The following CEP192 variants were observed in gnomAD, a reference collection of about 807,000 sequenced individuals.
The protein encoded by CEP192 is centrosomal protein of 192 kDa.
In CEP192, 151 loss-of-function variants were observed where a neutral mutation model predicts 271.8. The observed-to-expected ratio is 0.56, with a 90% CI of 0.49 to 0.64. The LOEUF is 0.64. Among genes scored for constraint, CEP192 ranks in the 30% least tolerant of loss-of-function variants. The probability of loss-of-function intolerance (pLI) is 0.00; values close to 1 mark genes in which losing one functional copy is unlikely to be tolerated. For missense variants in CEP192, 2,910 were observed against 3,020.5 expected (o/e 0.96, Z 0.86); for synonymous variants, 995 against 1,076.5 (o/e 0.92, Z 1.48).
chr18:13,120,874 TTAAC>T (rs1489802553), intron 44 of CEP192, among the ~76,000 whole-genome samples: 6 of 152,256 alleles, frequency 3.9e-5, no homozygotes, highest in Admixed American at 6.5e-5. Flanking sequence ...TGTGATCTGT[TTAAC>T]TAAATGAACT....
At chr18:13,037,181 G>T in intron 11 of CEP192, 56 bp from the exon 12 acceptor site, 1 of 733,030 alleles carries the variant, frequency 1.4e-6, no homozygotes, top group South Asian at 1.6e-5. Flanking sequence ...GTATCTGTGT[G>T]CTAGTGTTTG....
In CEP192 at chr18:13,041,645, A is replaced by C. The variant is rs2036213012; in HGVS notation, c.1937-559A>C. 2.7e-5 allele frequency among the ~76,000 whole-genome samples: 4 copies of C among 150,328 alleles called. No individual in the cohort carries two copies. In the South Asian group the frequency reaches 8.4e-4, roughly 32 times the overall value. On this transcript the variant is annotated intron_variant, in intron 14 of 44. Transcript: ENST00000506447. ...CAGTGGCGTGATCTCGGCTCACTGCAATCTCCACCTCCTGGGTCAAGCGAT... is the reference window on the plus strand; with the variant it reads ...CAGTGGCGTGATCTCGGCTCACTGCCATCTCCACCTCCTGGGTCAAGCGAT...
chr18:13,042,179 G>A, intron 14 of CEP192, 25 bp from the exon 15 acceptor site: 1 of 1,599,456 alleles, frequency 6.3e-7, no homozygotes, highest in Non-Finnish European at 8.6e-7. Context: ...ATACTTATAA[G>A]TTGAATATTA....
chr18:13,061,871 G>A (rs945279050), intron 21 of CEP192, among the ~76,000 whole-genome samples: 5 of 152,146 alleles, frequency 3.3e-5, no homozygotes, highest in Non-Finnish European at 7.4e-5. Flanking sequence ...CTCCAAACAT[G>A]GTCAAGCCAT....
chr18:13,072,646 T>G, intron 28 of CEP192, 109 bp from the exon 29 acceptor site: 1 of 728,566 alleles, frequency 1.4e-6, no homozygotes, highest in Non-Finnish European at 2.4e-6. Context: ...ATGGCTTGTA[T>G]AGTTAGTCCA....
At chr18:13,102,459 C>G (rs2144910353) in intron 38 of CEP192, among the ~76,000 whole-genome samples, 1 of 152,246 alleles carries the variant, frequency 6.6e-6, no homozygotes, top group East Asian at 1.9e-4. Context: ...CCCCCACACC[C>G]TTTCCTTGTG....
At chr18:13,036,972 T>C (rs1568315941) in intron 11 of CEP192, among the ~76,000 whole-genome samples, 1 of 152,254 alleles carries the variant, frequency 6.6e-6, no homozygotes, top group African/African-American at 2.4e-5. Context: ...ACATTAATTT[T>C]AGAGAGAAAA....
chr18:13,048,963 G>A lies in CEP192; in HGVS notation c.2172G>A (p.Glu724=), dbSNP rs948850789. The change falls in exon 16 of 45, where the codon GAG becomes GAA. Residue 724 remains glutamate (E), a synonymous_variant. Coordinates refer to ENST00000506447, the MANE Select transcript of CEP192 (RefSeq NM_032142.4). The stretch of plus-strand genomic sequence containing the variant: ...GCACCATTGCTTCAGCCATTGCAGA[G>A]GCATCAGTTAATACTGATCCTTCCC... ...RISTIASAIA[E]ASVNTDPSQL... The A allele has an allele frequency of 8.1e-6, 13 of 1,613,246 alleles. No individual in the cohort carries two copies. Among genetic ancestry groups the A allele is most frequent in the African/African-American group, 5.3e-5 (4 of 74,884 alleles).
chr18:13,045,549 G>T (rs537327620), intron 15 of CEP192, among the ~76,000 whole-genome samples: 1 of 152,122 alleles, frequency 6.6e-6, no homozygotes, highest in African/African-American at 2.4e-5. Context: ...CTTCACTTAG[G>T]TGAGATTTAA....
At chr18:13,015,541 GT>G in intron 6 of CEP192, 93 bp downstream of exon 6, 5 of 1,324,020 alleles carry the variant, frequency 3.8e-6, no homozygotes, top group Non-Finnish European at 4.2e-6. Flanking sequence ...AACTTTTTGG[GT>G]TTTTTGTCCT....
chr18:13,109,115 A>G lies in CEP192; in HGVS notation c.7047+4036A>G, dbSNP rs1367112742. Among the ~76,000 whole-genome samples, 4 of 152,196 alleles carry G rather than the reference A, an allele frequency of 2.6e-5. No homozygotes were observed. The East Asian group carries it at 7.7e-4, about 29-fold the overall frequency. ...GCACTTGCACATTCATCACAGCACTATTCACAGTATCAGAGACATGGATCA... is the reference window on the plus strand; with the variant it reads ...GCACTTGCACATTCATCACAGCACTGTTCACAGTATCAGAGACATGGATCA... On this transcript the variant is annotated intron_variant, in intron 40 of 44. Transcript: ENST00000506447.
chr18:13,007,287 T>G (rs768208702), intron 3 of CEP192, among the ~76,000 whole-genome samples: 2 of 152,214 alleles, frequency 1.3e-5, no homozygotes, highest in African/African-American at 4.8e-5. Flanking sequence ...CTCTTTAACT[T>G]GAAACTTATG....
Position 13,029,826 on chromosome 18 carries a change from A to G in CEP192, c.1214A>G (p.His405Arg), listed in dbSNP as rs1401440445. Residue 405 changes from histidine to arginine, a missense_variant, in exon 10 of 45, where the codon CAC becomes CGC. By Grantham distance (29) the His-to-Arg change is conservative (BLOSUM62 0). Transcript: ENST00000506447. Reference protein sequence around the residue: ...ECPHQNKTVLHMDGCLDTETP... With the variant: ...ECPHQNKTVLRMDGCLDTETP... The stretch of plus-strand genomic sequence containing the variant: ...CCTCACCAAAATAAGACAGTTTTGC[A>G]CATGGATGGATGTTTAGACACTGAG... The G allele has an allele frequency of 6.4e-7, 1 of 1,551,722 alleles. No homozygotes were observed. Among genetic ancestry groups the G allele is most frequent in the Non-Finnish European group, 8.7e-7 (1 of 1,146,988 alleles).
At chr18:13,049,954 A>AG in intron 17 of CEP192, 63 bp downstream of exon 17, 1 of 1,395,292 alleles carries the variant, frequency 7.2e-7, no homozygotes, top group South Asian at 1.3e-5. Flanking sequence ...ACTGGGAAAA[A>AG]AATGTGTAAA....
chr18:13,020,214 A>G (rs1426286719), intron 9 of CEP192, among the ~76,000 whole-genome samples: 1 of 152,176 alleles, frequency 6.6e-6, no homozygotes, highest in Non-Finnish European at 1.5e-5. Context: ...AACTCTACCC[A>G]TTAAACAACA....
At chr18:13,117,691 TC>T (rs1376341099) in intron 44 of CEP192, 48 bp downstream of exon 44, 1 of 1,464,520 alleles carries the variant, frequency 6.8e-7, no homozygotes, top group South Asian at 1.2e-5. Flanking sequence ...TGCAGGACTT[TC>T]GTCTCTTGGG....
At chr18:13,109,157 C>T (rs569123539) in intron 40 of CEP192, among the ~76,000 whole-genome samples, 35 of 152,148 alleles carry the variant, frequency 2.3e-4, no homozygotes, top group Admixed American at 1.6e-3. Context: ...CGTTGATCAC[C>T]GGTGGATTGG....
At chr18:13,051,376 T>C (rs1568338488) in intron 17 of CEP192, among the ~76,000 whole-genome samples, 1 of 152,074 alleles carries the variant, frequency 6.6e-6, no homozygotes, top group Non-Finnish European at 1.5e-5. Context: ...TGTGTGTGTG[T>C]GTGTGCGTGT....
chr18:13,009,359 T>G (rs975445015), intron 4 of CEP192, among the ~76,000 whole-genome samples: 18 of 152,216 alleles, frequency 1.2e-4, no homozygotes, highest in Admixed American at 1.0e-3. Flanking sequence ...GACAAGCCTA[T>G]TTTTAGTGCA....
Sources: gnomAD v4.1 joint callset for allele counts (sites outside exome capture counted in the v4.1 genomes callset) on GRCh38, gnomAD v4.1.1 for gene constraint, MANE v1.5 for transcripts, NCBI Gene and HGNC (gene_info 2026-07-23, HGNC 2026-07-21) for gene names.